PCDH15: variants seen among roughly 807,000 people sequenced by gnomAD.
PCDH15 encodes protocadherin-15.
In PCDH15, 129 loss-of-function variants were observed where a neutral mutation model predicts 178.5. That is an observed-to-expected ratio of 0.72 (90% confidence interval 0.63 to 0.84). The LOEUF is 0.84. Ranked by LOEUF, PCDH15 falls within the 40% of genes least tolerant of loss-of-function variation. The pLI, the probability that PCDH15 is intolerant of heterozygous loss-of-function variation, is 0.00. For synonymous variants in PCDH15, 800 were observed against 732.0 expected, an observed-to-expected ratio of 1.09 and a Z score of -1.50; for missense variants, 2,230 against 2,099.9, an observed-to-expected ratio of 1.06 and a Z score of -1.21.
rs192699124 is a variant in PCDH15 at position 54,497,833 on chromosome 10, G to A, written c.157+29979C>T. ...AAAGAGACCAAGTCTATGACTCATTGGCATTCCTGAAAGAGTTGGAGGGAG... is the reference window on the plus strand; with the variant it reads ...AAAGAGACCAAGTCTATGACTCATTAGCATTCCTGAAAGAGTTGGAGGGAG... On this transcript the variant is annotated intron_variant, in intron 3 of 37. Transcript: ENST00000644397. Among the ~76,000 whole-genome samples the A allele has an allele frequency of 1.0e-3, 157 of 152,136 alleles. 3 individuals are homozygous for A. In the East Asian group the frequency reaches 0.024, roughly 23 times the overall value.
At chr10:55,587,239 A>G (rs1217733090) in intron 2 of PCDH15, among the ~76,000 whole-genome samples, 5 of 152,120 alleles carry the variant, frequency 3.3e-5, no homozygotes, top group Non-Finnish European at 7.4e-5. Flanking sequence ...TTCAACATAA[A>G]TATGTTCAAT....
At chr10:54,484,341 GACTC>G (rs2078939294) in intron 3 of PCDH15, among the ~76,000 whole-genome samples, 1 of 151,874 alleles carries the variant, frequency 6.6e-6, no homozygotes, top group Admixed American at 6.6e-5. Context: ...GCACTCAAGG[GACTC>G]ACTCAAACAC....
At chr10:53,970,385 A>G (rs2089547236) in intron 21 of PCDH15, among the ~76,000 whole-genome samples, 2 of 152,128 alleles carry the variant, frequency 1.3e-5, no homozygotes, top group South Asian at 4.1e-4. Context: ...CTACAAAGAG[A>G]CTTAGACTTC....
At chr10:54,840,583 CT>C (rs987382071) in intron 3 of PCDH15, among the ~76,000 whole-genome samples, 1 of 151,654 alleles carries the variant, frequency 6.6e-6, no homozygotes, top group Non-Finnish European at 1.5e-5. Flanking sequence ...AAACTAAGTC[CT>C]TACTTATTAA....
rs59914675 is a variant in PCDH15, at chr10:53,888,664, GATATATATATATATATAT to G, written c.3501+14561_3501+14578del. ...TTTCAATTCCCTAGCAGTTAAGTTT[GATATATATATATATATAT>G]ATATATATATATATATATATATCTC... is the stretch of plus-strand genomic sequence containing the variant. On this transcript the variant is annotated intron_variant, in intron 26 of 37. Transcript: ENST00000644397. Among the ~76,000 whole-genome samples the G allele has an allele frequency of 1.0e-3, 17 of 16,986 alleles. 2 individuals carry two copies. The highest frequency in any genetic ancestry group is 0.12 in the Middle Eastern group (1 of 8). 11.1% of individuals were successfully genotyped at this position (16,986 alleles called of 152,430 possible).
intron 15 of PCDH15, among the ~76,000 whole-genome samples, chr10:54,095,101 G>T (rs2094677165): frequency 6.6e-6 from 1 of 152,124 alleles, no homozygotes; most frequent in Non-Finnish European, 1.5e-5. Context: ...TGCCCTTAGG[G>T]ATTCTAAAAT....
intron 2 of PCDH15, among the ~76,000 whole-genome samples, chr10:54,918,878 C>A (rs1225653364): frequency 1.3e-5 from 2 of 152,030 alleles, no homozygotes; most frequent in African/African-American, 4.8e-5. Flanking sequence ...ATTTAATATG[C>A]TGAATACACC....
intron 2 of PCDH15, among the ~76,000 whole-genome samples, chr10:54,633,770 C>T (rs2093767485): frequency 2.0e-5 from 3 of 152,040 alleles, no homozygotes. Flanking sequence ...TCAATTACGC[C>T]CCAACCCAAT....
intron 2 of PCDH15, among the ~76,000 whole-genome samples, chr10:55,043,159 G>A (rs1222303757): frequency 1.3e-5 from 2 of 151,934 alleles, no homozygotes; most frequent in African/African-American, 2.4e-5. Context: ...TTTGGTGAGA[G>A]GGAAGTAGAT....
intron 2 of PCDH15, among the ~76,000 whole-genome samples, chr10:54,595,653 T>C (rs2092191742): frequency 6.6e-6 from 1 of 152,096 alleles, no homozygotes; most frequent in South Asian, 2.1e-4. Flanking sequence ...ATAAAAATCA[T>C]TGAGTTTTGG....
intron 2 of PCDH15, among the ~76,000 whole-genome samples, chr10:55,021,302 G>A (rs745710173): frequency 6.6e-6 from 1 of 152,038 alleles, no homozygotes; most frequent in Non-Finnish European, 1.5e-5. Context: ...TCTCTGATGG[G>A]GGACATTTAG....
At chr10:54,912,956 T>A (rs1462726908) in intron 2 of PCDH15, among the ~76,000 whole-genome samples, 1 of 152,146 alleles carries the variant, frequency 6.6e-6, no homozygotes, top group Non-Finnish European at 1.5e-5. Flanking sequence ...CTGCTCAAGA[T>A]GTGACCTGGC....
intron 25 of PCDH15, among the ~76,000 whole-genome samples, chr10:53,910,329 T>C (rs982772184): frequency 6.6e-6 from 1 of 152,086 alleles, no homozygotes; most frequent in Admixed American, 6.5e-5. Flanking sequence ...GGCAGCAATA[T>C]TTGCTGTGCT....
intron 7 of PCDH15, among the ~76,000 whole-genome samples, chr10:54,325,347 C>T (rs1177753443): frequency 6.6e-6 from 1 of 152,102 alleles, no homozygotes; most frequent in African/African-American, 2.4e-5. Flanking sequence ...AGGCCATATA[C>T]TTTAAAGTCA....
At chr10:53,809,617 G>T (rs1233133649) in intron 37 of PCDH15, 12 of 1,428,300 alleles carry the variant, frequency 8.4e-6, no homozygotes, top group South Asian at 2.6e-5. Context: ...TCCCACGAAA[G>T]CTACGCAGGA....
chr10:54,756,089 A>ACACACACT (rs1555182950), intron 1 of PCDH15, among the ~76,000 whole-genome samples: 8,751 of 148,278 alleles, frequency 0.059, 324 homozygotes, highest in Non-Finnish European at 0.079. Context: ...ACACACACAC[A>ACACACACT]CACACACAAA....
chr10:54,737,527 C>G (rs1944275540), intron 1 of PCDH15, among the ~76,000 whole-genome samples: 1 of 152,046 alleles, frequency 6.6e-6, no homozygotes, highest in Non-Finnish European at 1.5e-5. Context: ...AGAGTGTTAA[C>G]TACTAGTGTA....
chr10:54,017,066 C>T (rs2092763209), intron 20 of PCDH15, among the ~76,000 whole-genome samples: 1 of 151,976 alleles, frequency 6.6e-6, no homozygotes, highest in Non-Finnish European at 1.5e-5. Flanking sequence ...TTTTGTTGCC[C>T]GGGCTGGAGT....
chr10:55,145,021 T>C (rs1230370229), intron 2 of PCDH15, among the ~76,000 whole-genome samples: 1 of 152,048 alleles, frequency 6.6e-6, no homozygotes. Context: ...TCTATTAACA[T>C]GACAAATATA....
Sources: gnomAD v4.1 joint callset for allele counts (sites outside exome capture counted in the v4.1 genomes callset) on GRCh38, gnomAD v4.1.1 for gene constraint, MANE v1.5 for transcripts, NCBI Gene and HGNC (gene_info 2026-07-23, HGNC 2026-07-21) for gene names.